Variants in ADAMTS12 observed in about 807,000 individuals in gnomAD.
ADAMTS12 encodes ADAM metallopeptidase with thrombospondin type 1 motif 12.
Under a neutral mutation model 167.8 loss-of-function variants are expected in ADAMTS12, and 118 were observed. The observed-to-expected ratio is 0.70, with a 90% CI of 0.61 to 0.82. The LOEUF (loss-of-function observed/expected upper bound fraction) is 0.82, where lower values mean the gene tolerates loss of function less well. Among genes scored for constraint, ADAMTS12 ranks in the 40% least tolerant of loss-of-function variants. ADAMTS12 has a pLI of 0.00. For missense variants in ADAMTS12, 1,916 were observed against 1,998.8 expected (o/e 0.96, Z 0.79); for synonymous variants, 704 against 716.9 (o/e 0.98, Z 0.29).
intron 2 of ADAMTS12, among the ~76,000 whole-genome samples, chr5:33,833,050 T>A (rs1748366283): frequency 6.6e-6 from 1 of 152,196 alleles, no homozygotes; most frequent in African/African-American, 2.4e-5. Flanking sequence ...TAGCTATAAA[T>A]AAGTCACCAT....
chr5:33,602,844 G>C (rs1457971721), intron 16 of ADAMTS12, among the ~76,000 whole-genome samples: 1 of 152,186 alleles, frequency 6.6e-6, no homozygotes, highest in Non-Finnish European at 1.5e-5. Context: ...CAATGAATGT[G>C]ATCTAGTTTA....
At chr5:33,743,050 A>C (rs1436495071) in intron 3 of ADAMTS12, among the ~76,000 whole-genome samples, 1 of 152,228 alleles carries the variant, frequency 6.6e-6, no homozygotes, top group Non-Finnish European at 1.5e-5. Flanking sequence ...TTTTGAGTTC[A>C]TTAGCATGAA....
At chr5:33,876,544 G>T (rs531339197) in intron 2 of ADAMTS12, among the ~76,000 whole-genome samples, 302 of 152,170 alleles carry the variant, frequency 2.0e-3, no homozygotes, top group African/African-American at 7.1e-3. Flanking sequence ...AAATGGTGCT[G>T]GAACAATCAG....
intron 2 of ADAMTS12, 157 bp downstream of exon 2, chr5:33,880,958 TTAAA>T: frequency 9.8e-7 from 1 of 1,023,954 alleles, no homozygotes; most frequent in East Asian, 2.6e-5. Context: ...CTTTTATTTA[TTAAA>T]TACTTTCTCG....
intron 7 of ADAMTS12, among the ~76,000 whole-genome samples, chr5:33,656,749 C>A (rs1019832535): frequency 6.6e-6 from 1 of 152,170 alleles, no homozygotes; most frequent in African/African-American, 2.4e-5. Flanking sequence ...GGGGCCATGT[C>A]CTTCCACATT....
intron 21 of ADAMTS12, among the ~76,000 whole-genome samples, chr5:33,547,227 T>A (rs1456324208): frequency 6.6e-6 from 1 of 151,248 alleles, no homozygotes; most frequent in Non-Finnish European, 1.5e-5. Context: ...GAAAAGGGGG[T>A]CAAAAAAGTG....
chr5:33,882,819 G>A (rs1750499824), intron 1 of ADAMTS12, among the ~76,000 whole-genome samples: 1 of 152,088 alleles, frequency 6.6e-6, no homozygotes, highest in Non-Finnish European at 1.5e-5. Context: ...TTGAACTCCT[G>A]ACCTCAGGTG....
At chr5:33,595,563 G>A (rs563097710) in intron 17 of ADAMTS12, among the ~76,000 whole-genome samples, 2 of 152,268 alleles carry the variant, frequency 1.3e-5, no homozygotes, top group South Asian at 4.1e-4. Flanking sequence ...CACTGTGATC[G>A]GAAGGTGCCA....
At position 33,891,728 on chromosome 5, in the gene ADAMTS12, A is replaced by G; in HGVS notation, c.127+2T>C. The G allele has an allele frequency of 6.2e-7, 1 of 1,614,080 alleles. No homozygotes were observed. The highest frequency in any genetic ancestry group is 8.5e-7 in the Non-Finnish European group (1 of 1,179,996). ...AAAAAGAAATAAAGAAGAGTCACTA[A>G]CCTTGCCTCCTGTCCGGGAAGCGAA... On this transcript the variant is annotated splice_donor_variant, in intron 1 of 23. Transcript: ENST00000504830. LOFTEE classifies it high-confidence loss of function.
chr5:33,581,038 C>G (rs1322517083), intron 18 of ADAMTS12, among the ~76,000 whole-genome samples: 1 of 152,210 alleles, frequency 6.6e-6, no homozygotes, highest in African/African-American at 2.4e-5. Flanking sequence ...GTCTACCAAG[C>G]ATATTGGGCC....
Position 33,576,286 on chromosome 5 carries a change from G to T in ADAMTS12, c.3740C>A (p.Thr1247Asn), listed in dbSNP as rs2111962745. ...GTGGTCTCCTCCCAGAGGGAGCAGAGTGTTGGCTGGCTTTTCAGTAACCAT... is the reference window on the plus strand; with the variant it reads ...GTGGTCTCCTCCCAGAGGGAGCAGATTGTTGGCTGGCTTTTCAGTAACCAT... The part of the protein sequence containing the change: ...EGMVTEKPAN[T>N]LLPLGGDHQP... Residue 1247 changes from threonine to asparagine, a missense_variant, in exon 19 of 24, where the codon ACT (threonine) becomes AAT (asparagine). Coordinates refer to ENST00000504830, the MANE Select transcript of ADAMTS12 (RefSeq NM_030955.4). 1 of 1,614,200 alleles carries T rather than the reference G, an allele frequency of 6.2e-7. No homozygotes were observed. The highest frequency in any genetic ancestry group is 1.6e-4 in the Middle Eastern group (1 of 6,062).
intron 1 of ADAMTS12, among the ~76,000 whole-genome samples, chr5:33,890,106 A>G (rs1405202768): frequency 6.6e-6 from 1 of 152,208 alleles, no homozygotes; most frequent in African/African-American, 2.4e-5. Context: ...CTCACTTTCC[A>G]GAGAGCAAAA....
At position 33,882,228 on chromosome 5, in the gene ADAMTS12, C is replaced by T. The variant is rs116327430; in HGVS notation, c.128-748G>A. Among the ~76,000 whole-genome samples, 728 of 152,268 alleles carry T rather than the reference C, an allele frequency of 4.8e-3. 7 individuals carry two copies. The highest frequency in any genetic ancestry group is 0.017 in the African/African-American group (707 of 41,548). On this transcript the variant is annotated intron_variant, in intron 1 of 23. Coordinates refer to ENST00000504830, the MANE Select transcript of ADAMTS12 (RefSeq NM_030955.4). ...AAAAAACACAAAATCATGGAGAACT[C>T]ATCATATGCACGCTGACAAACCTCA...
At position 33,523,669 on chromosome 5, in the gene ADAMTS12, C is replaced by G. The variant is rs1423892271; in HGVS notation, c.*3519G>C. 1.3e-5 allele frequency: 2 copies of G among 152,168 alleles called. No individual in the cohort carries two copies. The highest frequency in any genetic ancestry group is 6.5e-5 in the Admixed American group (1 of 15,282). The allele number at this position is 152,168 out of a possible 1,614,324, so 9.4% of individuals were successfully genotyped here. A position where few individuals can be genotyped will look rare whatever the true frequency, so the allele number is the denominator to read the frequency against. On this transcript the variant is annotated 3_prime_UTR_variant, in exon 24 of 24. Coordinates refer to ENST00000504830, the MANE Select transcript of ADAMTS12 (RefSeq NM_030955.4). ...GAAATGGCAAAGCAGCACAGAGATGCAGGGAGGGCAATGGGCTGGGCCGTG... is the reference window on the plus strand; with the variant it reads ...GAAATGGCAAAGCAGCACAGAGATGGAGGGAGGGCAATGGGCTGGGCCGTG...
intron 2 of ADAMTS12, among the ~76,000 whole-genome samples, chr5:33,869,634 C>T (rs1324518059): frequency 4.6e-5 from 7 of 152,182 alleles, no homozygotes; most frequent in African/African-American, 9.6e-5. Flanking sequence ...AGGGAGTGTA[C>T]GAATAGGGTG....
At chr5:33,851,450 T>G (rs569312646) in intron 2 of ADAMTS12, among the ~76,000 whole-genome samples, 3 of 152,086 alleles carry the variant, frequency 2.0e-5, no homozygotes, top group Admixed American at 2.0e-4. Context: ...AGGAGTCTAT[T>G]TGTCAAATTT....
At chr5:33,851,209 G>A (rs747096368) in intron 2 of ADAMTS12, among the ~76,000 whole-genome samples, 6 of 152,128 alleles carry the variant, frequency 3.9e-5, no homozygotes, top group African/African-American at 9.7e-5. Flanking sequence ...TCAGGAGATC[G>A]AGATCATTCT....
intron 1 of ADAMTS12, among the ~76,000 whole-genome samples, chr5:33,882,931 T>G (rs1750503650): frequency 6.6e-6 from 1 of 152,220 alleles, no homozygotes; most frequent in Non-Finnish European, 1.5e-5. Flanking sequence ...ACCTCTCAGT[T>G]GTAGTTTTGC....
At chr5:33,564,330 A>G (rs1361018637) in intron 19 of ADAMTS12, among the ~76,000 whole-genome samples, 1 of 152,238 alleles carries the variant, frequency 6.6e-6, no homozygotes, top group Non-Finnish European at 1.5e-5. Context: ...AGGAGGTTTA[A>G]AGCAACTGAG....
Sources: allele counts gnomAD v4.1 joint callset (sites outside exome capture counted in the v4.1 genomes callset), GRCh38; gene constraint gnomAD v4.1.1; transcripts MANE v1.5; gene names NCBI Gene and HGNC (gene_info 2026-07-23, HGNC 2026-07-21).